Variants in RNF167 observed in about 807,000 individuals in gnomAD.
RNF167 encodes the protein ring finger protein 167, also known as E3 ubiquitin-protein ligase RNF167.
A neutral mutation model predicts 34.8 loss-of-function variants in RNF167; 19 were observed. The observed-to-expected ratio is 0.55, with a 90% CI of 0.38 to 0.80. RNF167 has a LOEUF of 0.80. Among genes scored for constraint, RNF167 ranks in the 30% least tolerant of loss-of-function variants. The probability of loss-of-function intolerance (pLI) is 0.00; values close to 1 mark genes in which losing one functional copy is unlikely to be tolerated. For synonymous variants in RNF167, 200 were observed against 170.4 expected (o/e 1.17, Z -1.35); for missense variants, 464 against 447.0 (o/e 1.04, Z -0.34).
In RNF167 at chr17:4,943,524, G is replaced by C. The variant is rs781109885; in HGVS notation, c.670+5G>C. 1 of 1,607,362 alleles carries C rather than the reference G, an allele frequency of 6.2e-7. No homozygotes were observed. Among genetic ancestry groups the C allele is most frequent in the African/African-American group, 1.3e-5 (1 of 74,788 alleles). On this transcript the variant is annotated splice_donor_5th_base_variant and intron_variant, in intron 8 of 9. Transcript: ENST00000262482. ...CTACACATGACTATCAGAAGGGTGA[G>C]GGGGTTAGGGGAGAAGAGGGCTTTT...
chr17:4,944,117 A>T (rs1971127513), intron 8 of RNF167, among the ~76,000 whole-genome samples: 1 of 152,252 alleles, frequency 6.6e-6, no homozygotes, highest in African/African-American at 2.4e-5. Flanking sequence ...AAGATGATTA[A>T]GTGAAATAAT....
rs1391150351 is a variant in RNF167, at chr17:4,940,831, G to T, written c.-79G>T. ...GGACCCCTGGGATCCTAAAGGAGGGGCAGGGAGGGCGCAGAACTCCGCTTC... is the reference window on the plus strand; with the variant it reads ...GGACCCCTGGGATCCTAAAGGAGGGTCAGGGAGGGCGCAGAACTCCGCTTC... On this transcript the variant is annotated 5_prime_UTR_variant, in exon 2 of 10. Transcript: ENST00000262482. The T allele has an allele frequency of 1.5e-6, 2 of 1,335,020 alleles. No individual in the cohort carries two copies. Among genetic ancestry groups the T allele is most frequent in the Non-Finnish European group, 2.0e-6 (2 of 980,850 alleles). 82.7% of individuals were successfully genotyped at this position (1,335,020 alleles called of 1,614,324 possible). A position where few individuals can be genotyped will look rare whatever the true frequency, so the allele number is the denominator to read the frequency against.
In RNF167 at chr17:4,940,668, T is replaced by A; in HGVS notation, c.-242T>A. 1 of 414,012 alleles carries A rather than the reference T, an allele frequency of 2.4e-6. No individual in the cohort carries two copies. Among genetic ancestry groups the A allele is most frequent in the Non-Finnish European group, 4.3e-6 (1 of 233,208 alleles). 25.6% of individuals were successfully genotyped at this position (414,012 alleles called of 1,614,324 possible). On this transcript the variant is annotated 5_prime_UTR_variant, in exon 2 of 10. Coordinates refer to ENST00000262482, the MANE Select transcript of RNF167 (RefSeq NM_015528.3). ...GTTAGGCTCCGTCCCCTTTCCGCGT[T>A]TTATCCCCGTACCAGAAAAGGATAC...
At position 4,944,645 on chromosome 17, in the gene RNF167, C is replaced by T. The variant is rs754826553; in HGVS notation, c.751+7C>T. ...GTACTCCCCTGTGCTCATGGTGAGG[C>T]CCTCACTGCCTGCCCATGCCCCTCT... On this transcript the variant is annotated splice_region_variant and intron_variant, in intron 9 of 9. Transcript: ENST00000262482. The T allele has an allele frequency of 7.4e-6, 12 of 1,614,048 alleles. No homozygotes were observed. The highest frequency in any genetic ancestry group is 5.9e-6 in the Non-Finnish European group (7 of 1,179,980).
Position 4,940,913 on chromosome 17 carries a change from C to G in RNF167, c.4C>G (p.His2Asp). The change falls in exon 2 of 10, where the codon CAC (histidine) becomes GAC (aspartate). Residue 2 changes from histidine (H) to aspartate (D), a missense_variant. By Grantham distance (81) the His-to-Asp change is moderately conservative. Coordinates refer to ENST00000262482, the MANE Select transcript of RNF167 (RefSeq NM_015528.3). ...CAGCCTCTTTCCTCCCGCTGCCATGCACCCTGCAGCCTTCCCGCTTCCTGT... is the reference window on the plus strand; with the variant it reads ...CAGCCTCTTTCCTCCCGCTGCCATGGACCCTGCAGCCTTCCCGCTTCCTGT... Reference protein sequence around the residue: MHPAAFPLPVVV... With the variant: MDPAAFPLPVVV... The G allele has an allele frequency of 6.2e-7, 1 of 1,600,332 alleles. No homozygotes were observed. Among genetic ancestry groups the G allele is most frequent in the Non-Finnish European group, 8.5e-7 (1 of 1,172,124 alleles).
Position 4,940,714 on chromosome 17 carries a change from C to T in RNF167, c.-196C>T, listed in dbSNP as rs1970706416. ...GATACATTTAGTGCCTCCCACCCAG[C>T]TCCACTAAACGGGTTGGATATCTCA... On this transcript the variant is annotated 5_prime_UTR_variant, in exon 2 of 10. Transcript: ENST00000262482. 2.0e-6 allele frequency: 1 copy of T among 511,568 alleles called. No homozygotes were observed. The highest frequency in any genetic ancestry group is 3.6e-5 in the Admixed American group (1 of 27,518). 31.7% of individuals were successfully genotyped at this position (511,568 alleles called of 1,614,324 possible).
chr17:4,941,730 A>G (rs1002984190), intron 3 of RNF167, among the ~76,000 whole-genome samples: 2 of 152,126 alleles, frequency 1.3e-5, no homozygotes, highest in Non-Finnish European at 2.9e-5. Context: ...CAGCCTGGCC[A>G]ACATGGAGAA....
rs1219760565 is a variant in RNF167 at position 4,942,894 on chromosome 17, G to A, written c.423G>A (p.Gly141=). ...QQIWIPSVFI[G]ERSSEYLRAL... The stretch of plus-strand genomic sequence containing the variant: ...TCTGGATCCCGTCTGTATTTATTGG[G>A]GAGAGAAGCTCCGAGTACCTGCGTG... The change falls in exon 6 of 10, where the codon GGG becomes GGA. Residue 141 remains glycine, a synonymous_variant. Transcript: ENST00000262482. The A allele has an allele frequency of 6.2e-7, 1 of 1,614,178 alleles. No homozygotes were observed. Among genetic ancestry groups the A allele is most frequent in the South Asian group, 1.1e-5 (1 of 91,090 alleles).
At chr17:4,941,205 T>C in intron 3 of RNF167, 48 bp downstream of exon 3, 1 of 1,537,828 alleles carries the variant, frequency 6.5e-7, no homozygotes, top group Non-Finnish European at 9.0e-7. Context: ...TCCTTCCTTT[T>C]CTGTCTTTTT....
chr17:4,945,115 C>G lies in RNF167; in HGVS notation c.*99C>G. The G allele has an allele frequency of 9.7e-6, 11 of 1,136,582 alleles. No homozygotes were observed. Among genetic ancestry groups the G allele is most frequent in the Non-Finnish European group, 1.4e-5 (11 of 813,980 alleles). 70.4% of individuals were successfully genotyped at this position (1,136,582 alleles called of 1,614,324 possible). A position where few individuals can be genotyped will look rare whatever the true frequency, so the allele number is the denominator to read the frequency against. ...AGGGGACATTCCATCCCAAGCTTCTCCCTTACCCACACCTATCCTTTTGAG... is the reference window on the plus strand; with the variant it reads ...AGGGGACATTCCATCCCAAGCTTCTGCCTTACCCACACCTATCCTTTTGAG... On this transcript the variant is annotated 3_prime_UTR_variant, in exon 10 of 10. Coordinates refer to ENST00000262482, the MANE Select transcript of RNF167 (RefSeq NM_015528.3).
At chr17:4,942,731 G>T (rs1970949019) in intron 5 of RNF167, 67 bp downstream of exon 5, 5 of 1,592,104 alleles carry the variant, frequency 3.1e-6, no homozygotes, top group Non-Finnish European at 4.3e-6. Flanking sequence ...AAGGCTGAAG[G>T]CCTCAGGAAA....
chr17:4,941,210 CTTTT>C (rs946148643), intron 3 of RNF167, 53 bp downstream of exon 3: 1 of 1,516,066 alleles, frequency 6.6e-7, no homozygotes, highest in African/African-American at 1.4e-5. Flanking sequence ...CCTTTTCTGT[CTTTT>C]TTCTTTTTTT....
At chr17:4,943,786 G>C (rs1971084997) in intron 8 of RNF167, among the ~76,000 whole-genome samples, 1 of 152,114 alleles carries the variant, frequency 6.6e-6, no homozygotes, top group African/African-American at 2.4e-5. Flanking sequence ...CTTGACCCCG[G>C]GAGTTCAGGC....
At chr17:4,941,201 C>T (rs1051864937) in intron 3 of RNF167, 44 bp downstream of exon 3, 2 of 1,515,474 alleles carry the variant, frequency 1.3e-6, no homozygotes, top group African/African-American at 1.4e-5. Flanking sequence ...CCCTTCCTTC[C>T]TTTTCTGTCT....
At chr17:4,944,689 G>A (rs1971211456) in intron 9 of RNF167, 26 bp from the exon 10 acceptor site, 2 of 1,614,122 alleles carry the variant, frequency 1.2e-6, no homozygotes, top group South Asian at 1.1e-5. Context: ...CAGCCACCAG[G>A]TGCTTCACCT....
intron 7 of RNF167, 21 bp downstream of exon 7, chr17:4,943,305 G>C (rs1177928818): frequency 2.5e-6 from 4 of 1,608,948 alleles, no homozygotes; most frequent in East Asian, 2.2e-5. Context: ...GAGGGAACAT[G>C]ATGGGAAGCA....
At chr17:4,941,180 C>T (rs775410136) in intron 3 of RNF167, 23 bp downstream of exon 3, 15 of 1,579,078 alleles carry the variant, frequency 9.5e-6, no homozygotes, top group East Asian at 4.5e-5. Context: ...CTTTTCTTTT[C>T]CTCCTTCCCT....
chr17:4,944,334 C>T (rs1971158400), intron 8 of RNF167: 4 of 1,117,540 alleles, frequency 3.6e-6, no homozygotes, highest in South Asian at 2.4e-5. Flanking sequence ...TCTCCACCCT[C>T]ACACCTCCCC....
Position 4,941,253 on chromosome 17 carries a change from C to T in RNF167, c.165+96C>T, listed in dbSNP as rs937978989. 14 of 1,170,124 alleles carry T rather than the reference C, an allele frequency of 1.2e-5. No homozygotes were observed. The Admixed American group carries it at 3.0e-4, about 25-fold the overall frequency. 72.5% of individuals were successfully genotyped at this position (1,170,124 alleles called of 1,614,324 possible). A position where few individuals can be genotyped will look rare whatever the true frequency, so the allele number is the denominator to read the frequency against. ...ATTTCGCAAGATCCTCCATCCTAGG[C>T]TGGGGTTGGGGAGGTTTGTCCTGGG... On this transcript the variant is annotated intron_variant, in intron 3 of 9. Coordinates refer to ENST00000262482, the MANE Select transcript of RNF167 (RefSeq NM_015528.3).
Sources: allele counts gnomAD v4.1 joint callset (sites outside exome capture counted in the v4.1 genomes callset), GRCh38; gene constraint gnomAD v4.1.1; transcripts MANE v1.5; gene names NCBI Gene and HGNC (gene_info 2026-07-23, HGNC 2026-07-21).